ZNF804B: variants seen among roughly 807,000 people sequenced by gnomAD.
ZNF804B encodes the protein zinc finger 804B.
ZNF804B carries 80 observed loss-of-function variants against 101.4 expected under a neutral mutation model. The observed-to-expected ratio is 0.79, with a 90% CI of 0.66 to 0.95. ZNF804B has a LOEUF of 0.95. Ranked by LOEUF, ZNF804B falls within the 40% of genes least tolerant of loss-of-function variation. The probability of loss-of-function intolerance (pLI) is 0.00; values close to 1 mark genes in which losing one functional copy is unlikely to be tolerated. For synonymous variants in ZNF804B, 622 were observed against 558.8 expected, an observed-to-expected ratio of 1.11 and a Z score of -1.59; for missense variants, 1,673 against 1,561.9, an observed-to-expected ratio of 1.07 and a Z score of -1.20.
chr7:89,032,411 G>A (rs2116233230), intron 1 of ZNF804B, among the ~76,000 whole-genome samples: 1 of 152,128 alleles, frequency 6.6e-6, no homozygotes, highest in Non-Finnish European at 1.5e-5. Context: ...TAAAGTAAAT[G>A]TTACATGTCA....
intron 1 of ZNF804B, among the ~76,000 whole-genome samples, chr7:89,057,027 T>C (rs1789307267): frequency 6.6e-6 from 1 of 152,094 alleles, no homozygotes; most frequent in Admixed American, 6.6e-5. Flanking sequence ...AGAAGCTGTA[T>C]TTTCATGCTG....
intron 1 of ZNF804B, among the ~76,000 whole-genome samples, chr7:89,018,235 A>G (rs531163762): frequency 6.6e-6 from 1 of 152,092 alleles, no homozygotes; most frequent in Admixed American, 6.6e-5. Context: ...ACAGATTTTA[A>G]TGTTATCAAA....
intron 1 of ZNF804B, among the ~76,000 whole-genome samples, chr7:88,955,952 A>G (rs921080401): frequency 6.6e-6 from 1 of 151,732 alleles, no homozygotes; most frequent in African/African-American, 2.4e-5. Context: ...TCTGAAAAGA[A>G]GATATACACA....
intron 1 of ZNF804B, among the ~76,000 whole-genome samples, chr7:88,822,849 G>A (rs1007065134): frequency 1.8e-4 from 28 of 152,120 alleles, no homozygotes; most frequent in Admixed American, 1.6e-3. Context: ...CATTTACTTG[G>A]TACAAAGAAT....
intron 1 of ZNF804B, among the ~76,000 whole-genome samples, chr7:88,915,768 T>A (rs1199408074): frequency 6.9e-6 from 1 of 145,910 alleles, no homozygotes; most frequent in Admixed American, 6.9e-5. Flanking sequence ...CAAAGTTATT[T>A]ATTTAATGTT....
At chr7:88,817,190 A>T (rs553811625) in intron 1 of ZNF804B, among the ~76,000 whole-genome samples, 2 of 152,250 alleles carry the variant, frequency 1.3e-5, no homozygotes, top group South Asian at 2.1e-4. Context: ...ATGAGAACAC[A>T]TGGACACAAG....
intron 1 of ZNF804B, among the ~76,000 whole-genome samples, chr7:88,979,521 C>T (rs1415995561): frequency 2.0e-5 from 3 of 151,780 alleles, no homozygotes; most frequent in African/African-American, 7.2e-5. Flanking sequence ...GCCTGTAAGA[C>T]TTCCACAGAA....
intron 1 of ZNF804B, among the ~76,000 whole-genome samples, chr7:88,972,238 C>A (rs565498220): frequency 6.6e-6 from 1 of 151,680 alleles, no homozygotes; most frequent in African/African-American, 2.4e-5. Context: ...TCTACTTATA[C>A]TGTCTCATTT....
intron 2 of ZNF804B, among the ~76,000 whole-genome samples, chr7:89,315,650 G>A (rs965203388): frequency 2.6e-5 from 4 of 151,944 alleles, no homozygotes; most frequent in Admixed American, 1.3e-4. Context: ...TTGTCATCTT[G>A]ATGGTGAAAA....
chr7:89,132,169 TACACAC>T lies in ZNF804B; in HGVS notation c.109-85956_109-85951del, dbSNP rs59188340. Among the ~76,000 whole-genome samples, 1,073 of 131,382 alleles carry T rather than the reference TACACAC, an allele frequency of 8.2e-3. 5 individuals carry two copies. The highest frequency in any genetic ancestry group is 0.02 in the African/African-American group (639 of 31,302). The allele number at this position is 131,382 out of a possible 152,430, so 86.2% of individuals were successfully genotyped here. A position where few individuals can be genotyped will look rare whatever the true frequency, so the allele number is the denominator to read the frequency against. On this transcript the variant is annotated intron_variant, in intron 1 of 3. Transcript: ENST00000333190. ...ACAGGAATGAGAACACACGCACACA[TACACAC>T]ACACACACACACACACACACACACA...
At chr7:89,271,959 TG>T (rs1362976569) in intron 2 of ZNF804B, among the ~76,000 whole-genome samples, 1 of 152,228 alleles carries the variant, frequency 6.6e-6, no homozygotes, top group South Asian at 2.1e-4. Context: ...TGAAAAAATT[TG>T]TCTTTTAGGA....
intron 2 of ZNF804B, among the ~76,000 whole-genome samples, chr7:89,278,024 T>C (rs1031463746): frequency 1.3e-5 from 2 of 152,196 alleles, no homozygotes; most frequent in Admixed American, 1.3e-4. Context: ...GTTTCCTGAC[T>C]TTGTAATGAT....
intron 1 of ZNF804B, among the ~76,000 whole-genome samples, chr7:88,949,972 T>G (rs1793192941): frequency 6.6e-6 from 1 of 151,952 alleles, no homozygotes. Context: ...TGCCTAACAA[T>G]GCGTTTCTCA....
chr7:88,794,196 A>G (rs747661550), intron 1 of ZNF804B: 34 of 1,609,104 alleles, frequency 2.1e-5, no homozygotes, highest in Non-Finnish European at 2.8e-5. Flanking sequence ...AACGTGAAGG[A>G]GCAGGCCATA....
chr7:89,167,304 G>A (rs546527355), intron 1 of ZNF804B, among the ~76,000 whole-genome samples: 15 of 151,892 alleles, frequency 9.9e-5, no homozygotes, highest in East Asian at 7.8e-4. Flanking sequence ...TTAGCCGGGC[G>A]TGGTGGCAGG....
intron 1 of ZNF804B, among the ~76,000 whole-genome samples, chr7:88,935,297 A>G (rs1327096059): frequency 6.6e-6 from 1 of 151,430 alleles, no homozygotes; most frequent in Non-Finnish European, 1.5e-5. Flanking sequence ...AATCTCAGAA[A>G]TCACCACTAA....
intron 1 of ZNF804B, among the ~76,000 whole-genome samples, chr7:89,007,987 A>G (rs989510534): frequency 1.3e-5 from 2 of 152,144 alleles, no homozygotes; most frequent in African/African-American, 2.4e-5. Flanking sequence ...TTGCATTTCT[A>G]TGAACAATAA....
At chr7:89,136,470 T>G (rs1790635861) in intron 1 of ZNF804B, among the ~76,000 whole-genome samples, 1 of 152,130 alleles carries the variant, frequency 6.6e-6, no homozygotes. Context: ...TGTCAAGAAA[T>G]TTTTCATCTT....
chr7:89,201,653 A>C lies in ZNF804B; in HGVS notation c.109-16502A>C, dbSNP rs1276614333. Among the ~76,000 whole-genome samples the C allele has an allele frequency of 2.0e-5, 3 of 152,110 alleles. No homozygotes were observed. In the East Asian group the frequency reaches 5.8e-4, roughly 29 times the overall value. On this transcript the variant is annotated intron_variant, in intron 1 of 3. Transcript: ENST00000333190. Reference sequence around the variant, plus strand: ...AGTGACCAGCTGTAATAAAAGAGAAAATGGGAGATAGTAATAATATACTCT... The same window carrying C: ...AGTGACCAGCTGTAATAAAAGAGAACATGGGAGATAGTAATAATATACTCT...
Sources: gnomAD v4.1 joint callset for allele counts (sites outside exome capture counted in the v4.1 genomes callset) on GRCh38, gnomAD v4.1.1 for gene constraint, MANE v1.5 for transcripts, NCBI Gene and HGNC (gene_info 2026-07-23, HGNC 2026-07-21) for gene names.